NOL6: variants seen among roughly 807,000 people sequenced by gnomAD.
NOL6 encodes nucleolar protein 6.
A neutral mutation model predicts 131.7 loss-of-function variants in NOL6; 33 were observed. That is an observed-to-expected ratio of 0.25 (90% confidence interval 0.19 to 0.33). The LOEUF (loss-of-function observed/expected upper bound fraction) is 0.33, where lower values mean the gene tolerates loss of function less well. Among genes scored for constraint, NOL6 ranks in the 10% least tolerant of loss-of-function variants. The probability of loss-of-function intolerance (pLI) is 1.00; values close to 1 mark genes in which losing one functional copy is unlikely to be tolerated. For missense variants in NOL6, 1,297 were observed against 1,494.5 expected, an observed-to-expected ratio of 0.87 and a Z score of 2.18; for synonymous variants, 580 against 605.7, an observed-to-expected ratio of 0.96 and a Z score of 0.62.
In NOL6 at chr9:33,466,995, A is replaced by T. The variant is rs1028918015; in HGVS notation, c.1875-8T>A. 16 of 1,613,998 alleles carry T rather than the reference A, an allele frequency of 9.9e-6. No individual in the cohort carries two copies. The highest frequency in any genetic ancestry group is 1.3e-5 in the Non-Finnish European group (15 of 1,180,014). On this transcript the variant is annotated splice_region_variant and splice_polypyrimidine_tract_variant and intron_variant, in intron 14 of 25. Transcript: ENST00000297990. Reference sequence around the variant, plus strand: ...TCTGGGATGTCAGCATGGCTGAAAAAGAGGCAGAGACACAGTGAGAAAATT... The same window carrying T: ...TCTGGGATGTCAGCATGGCTGAAAATGAGGCAGAGACACAGTGAGAAAATT...
chr9:33,472,929 T>G (rs1827452936), intron 1 of NOL6, among the ~76,000 whole-genome samples: 1 of 141,314 alleles, frequency 7.1e-6, no homozygotes, highest in East Asian at 2.0e-4. Flanking sequence ...GCCGAGATCG[T>G]GCCATTGCAT....
At position 33,462,283 on chromosome 9, in the gene NOL6, G is replaced by A. The variant is rs1176542979; in HGVS notation, c.*381C>T. The stretch of plus-strand genomic sequence containing the variant: ...AGGTCCTGGCAGCAGGAAGGAGACA[G>A]AGCCTCTCCCAGGCACACATCCCCT... On this transcript the variant is annotated 3_prime_UTR_variant, in exon 26 of 26. Transcript: ENST00000297990. The A allele has an allele frequency of 4.2e-6, 3 of 713,582 alleles. No individual in the cohort carries two copies. The highest frequency in any genetic ancestry group is 7.8e-6 in the Non-Finnish European group (3 of 383,972). 44.2% of individuals were successfully genotyped at this position (713,582 alleles called of 1,614,324 possible).
In NOL6 at chr9:33,463,160, T is replaced by C. The variant is rs12553842; in HGVS notation, c.3190-26A>G. On this transcript the variant is annotated intron_variant, in intron 24 of 25. Transcript: ENST00000297990. ...CTAGAAAGGGACAGAACAGAGAAGA[T>C]TATAGGCAGGCATTTAAGAGCTCCT... The C allele has an allele frequency of 3.3e-3, 5,380 of 1,609,722 alleles. 17 individuals are homozygous for C. Among genetic ancestry groups the C allele is most frequent in the Admixed American group, 5.8e-3 (347 of 59,538 alleles).
chr9:33,468,930 T>G (rs926968566), intron 7 of NOL6, 28 bp downstream of exon 7: 2 of 1,613,736 alleles, frequency 1.2e-6, no homozygotes, highest in African/African-American at 2.7e-5. Flanking sequence ...GGCGCTCAGG[T>G]AGGGAGGCTG....
chr9:33,467,781 T>A lies in NOL6; in HGVS notation c.1512A>T (p.Ser504=), dbSNP rs1269403284. 7.4e-6 allele frequency: 12 copies of A among 1,611,482 alleles called. No homozygotes were observed. The highest frequency in any genetic ancestry group is 6.8e-6 in the Non-Finnish European group (8 of 1,179,040). The change falls in exon 12 of 26, where the codon TCA becomes TCT. Residue 504 remains serine (S), a synonymous_variant. Coordinates refer to ENST00000297990, the MANE Select transcript of NOL6 (RefSeq NM_022917.5). This position sits in a 1 kb window ranked among gnomAD's most constrained non-coding sequence, Gnocchi z 4.4. The stretch of plus-strand genomic sequence containing the variant: ...GGGTGGTCAGGGGGCCCAAAGCAGC[T>A]GAGACATAGTCCCCACCATTGTCCT... ...ELQDNGGDYV[S]AALGPLTTLL...
At chr9:33,472,672 T>C (rs1041794350) in intron 1 of NOL6, 7 of 527,050 alleles carry the variant, frequency 1.3e-5, no homozygotes, top group Non-Finnish European at 1.4e-5. Flanking sequence ...TTGGTAGTGA[T>C]AGAAGCTGAC....
At chr9:33,472,652 C>A (rs931885152) in intron 1 of NOL6, 2 of 559,118 alleles carry the variant, frequency 3.6e-6, no homozygotes, top group Non-Finnish European at 6.4e-6. Context: ...GCATGGAGCT[C>A]TGTTTGGAAT....
chr9:33,471,992 C>A lies in NOL6; in HGVS notation c.378+12G>T. 6.3e-7 allele frequency: 1 copy of A among 1,594,690 alleles called. No homozygotes were observed. Among genetic ancestry groups the A allele is most frequent in the Non-Finnish European group, 8.6e-7 (1 of 1,164,230 alleles). On this transcript the variant is annotated intron_variant, in intron 3 of 25. Coordinates refer to ENST00000297990, the MANE Select transcript of NOL6 (RefSeq NM_022917.5). ...CTCTTGGGCTTCCCAGTTCCCCAGGCCACTTGCTTACCTCTGTCTCAGGGA... is the reference window on the plus strand; with the variant it reads ...CTCTTGGGCTTCCCAGTTCCCCAGGACACTTGCTTACCTCTGTCTCAGGGA...
chr9:33,467,456 G>A lies in NOL6; in HGVS notation c.1663C>T (p.Leu555Phe), dbSNP rs1297850979. Residue 555 changes from leucine (L) to phenylalanine (F), a missense_variant, in exon 13 of 26, where the codon CTT (leucine) becomes TTT (phenylalanine). Physicochemically the swap from Leu to Phe is conservative, Grantham distance 22. Transcript: ENST00000297990. The surrounding 1 kb of genome is among the most constrained non-coding windows in gnomAD (Gnocchi z 4.4). ...CTGGTCAGTCCCTCAGGCCGGAGAA[G>A]GAGTCCCAGGGTCAGGGTCCCAGAG... ...KDSGTLTLGL[L>F]LRPEGLTSVL... 6.2e-7 allele frequency: 1 copy of A among 1,614,104 alleles called. No individual in the cohort carries two copies. The highest frequency in any genetic ancestry group is 8.5e-7 in the Non-Finnish European group (1 of 1,180,040).
rs1827197660 is a variant in NOL6, at chr9:33,464,910, G to T, written c.2748C>A (p.Pro916=). The change falls in exon 21 of 26, where the codon CCC becomes CCA. Residue 916 remains proline (P), a synonymous_variant. Coordinates refer to ENST00000297990, the MANE Select transcript of NOL6 (RefSeq NM_022917.5). ...LVSTFDWKNN[P]LFVNLNNELT... ...GCTCATTATTGAGGTTGACAAAGAG[G>T]GGGTTGTTCTTCCAATCAAACGTTG... 1.9e-6 allele frequency: 3 copies of T among 1,613,984 alleles called. No individual in the cohort carries two copies. Among genetic ancestry groups the T allele is most frequent in the Non-Finnish European group, 1.7e-6 (2 of 1,179,940 alleles).
At chr9:33,470,678 C>CT (rs1291454228) in intron 3 of NOL6, 2 of 149,580 alleles carry the variant, frequency 1.3e-5, no homozygotes, top group Non-Finnish European at 3.0e-5. Context: ...GAGCAAGACT[C>CT]TGTCTCAAAA....
intron 1 of NOL6, 46 bp from the exon 2 acceptor site, chr9:33,472,458 G>A: frequency 6.7e-7 from 1 of 1,495,636 alleles, no homozygotes; most frequent in Non-Finnish European, 9.2e-7. Flanking sequence ...TAGGTATCTA[G>A]CATCTGCTGC....
Position 33,466,711 on chromosome 9 carries a change from T to C in NOL6, c.1951-2A>G. 2 of 1,613,566 alleles carry C rather than the reference T, an allele frequency of 1.2e-6. No homozygotes were observed. Among genetic ancestry groups the C allele is most frequent in the Non-Finnish European group, 1.7e-6 (2 of 1,179,926 alleles). On this transcript the variant is annotated splice_acceptor_variant, in intron 15 of 25. Coordinates refer to ENST00000297990, the MANE Select transcript of NOL6 (RefSeq NM_022917.5). LOFTEE classifies it high-confidence loss of function. ...GGCCTCCTCACCTGTGCTGGAGGTC[T>C]GAGAGGGAGAAGACGGTCAGGAGGC...
At chr9:33,463,504 C>A in intron 23 of NOL6, 63 bp from the exon 24 acceptor site, 1 of 1,437,454 alleles carries the variant, frequency 7.0e-7, no homozygotes, top group Non-Finnish European at 9.5e-7. Context: ...GACCACAAAC[C>A]TCTCCACACG....
chr9:33,471,762 C>T (rs979457976), intron 3 of NOL6, among the ~76,000 whole-genome samples: 2 of 152,216 alleles, frequency 1.3e-5, no homozygotes, highest in Non-Finnish European at 2.9e-5. Context: ...TTAACTATAA[C>T]CTCAGCATTA....
At chr9:33,469,168 CT>C in intron 6 of NOL6, 38 bp downstream of exon 6, 1 of 1,614,136 alleles carries the variant, frequency 6.2e-7, no homozygotes, top group Non-Finnish European at 8.5e-7. Context: ...CCCCACACCT[CT>C]TCCCTCCAGC....
At chr9:33,464,237 G>T in intron 21 of NOL6, 76 bp from the exon 22 acceptor site, 1 of 1,505,336 alleles carries the variant, frequency 6.6e-7, no homozygotes, top group Non-Finnish European at 8.9e-7. Context: ...GTCCTCCTAC[G>T]GTGCCCCCAA....
At chr9:33,469,813 A>C in intron 4 of NOL6, 146 bp from the exon 5 acceptor site, 1 of 1,090,090 alleles carries the variant, frequency 9.2e-7, no homozygotes, top group Non-Finnish European at 1.3e-6. Flanking sequence ...CCCAGTTCTC[A>C]TATCTGGAGA....
Position 33,463,171 on chromosome 9 carries a change from C to T in NOL6, c.3190-37G>A, listed in dbSNP as rs778116228. 4 of 1,608,046 alleles carry T rather than the reference C, an allele frequency of 2.5e-6. No homozygotes were observed. The Admixed American group carries it at 6.7e-5, about 27-fold the overall frequency. On this transcript the variant is annotated intron_variant, in intron 24 of 25. Coordinates refer to ENST00000297990, the MANE Select transcript of NOL6 (RefSeq NM_022917.5). The stretch of plus-strand genomic sequence containing the variant: ...CAGAACAGAGAAGATTATAGGCAGG[C>T]ATTTAAGAGCTCCTCCACAGCCTCA...
Sources: gnomAD v4.1 joint callset for allele counts (sites outside exome capture counted in the v4.1 genomes callset) on GRCh38, gnomAD v4.1.1 for gene constraint, Gnocchi (gnomAD v3.1) non-coding constraint, MANE v1.5 for transcripts, NCBI Gene and HGNC (gene_info 2026-07-23, HGNC 2026-07-21) for gene names.